Variants in CELF2 observed in about 807,000 individuals in gnomAD.
CELF2 encodes the protein CUG triplet repeat RNA-binding protein 2.
In CELF2, 8 loss-of-function variants were observed where a neutral mutation model predicts 62.6. That is an observed-to-expected ratio of 0.13 (90% CI 0.07 to 0.23). CELF2 has a LOEUF of 0.23. Among genes scored for constraint, CELF2 ranks in the 10% least tolerant of loss-of-function variants. The probability of loss-of-function intolerance (pLI) is 1.00; values close to 1 mark genes in which losing one functional copy is unlikely to be tolerated. For missense variants in CELF2, 333 were observed against 671.0 expected (o/e 0.50, Z 5.56); for synonymous variants, 258 against 250.0 (o/e 1.03, Z -0.30).
At chr10:10,908,214 A>ATGTTTTTTTTTT (rs1055620339) in intron 1 of CELF2, among the ~76,000 whole-genome samples, 3 of 83,732 alleles carry the variant, frequency 3.6e-5, no homozygotes, top group African/African-American at 4.8e-5. Context: ...GTATGAGGGG[A>ATGTTTTTTTTTT]TTTTTTTTTT....
At chr10:10,919,400 A>G (rs575893695) in intron 1 of CELF2, among the ~76,000 whole-genome samples, 1 of 152,314 alleles carries the variant, frequency 6.6e-6, no homozygotes, top group Admixed American at 6.5e-5. Context: ...CTTTTGTGCC[A>G]TTTGAATTAT....
chr10:11,023,880 A>C (rs983603385), intron 1 of CELF2, among the ~76,000 whole-genome samples: 1 of 152,366 alleles, frequency 6.6e-6, no homozygotes, highest in Admixed American at 6.5e-5. Context: ...AAATCAGCTG[A>C]TAATTTAAAA....
the CELF2 span, among the ~76,000 whole-genome samples, chr10:10,657,033 A>G: frequency 6.6e-6 from 1 of 152,134 alleles, no homozygotes; most frequent in Non-Finnish European, 1.5e-5. Flanking sequence ...TCATCAATGG[A>G]TGAATGGATA....
the CELF2 span, among the ~76,000 whole-genome samples, chr10:10,706,183 A>G: frequency 6.6e-6 from 1 of 152,182 alleles, no homozygotes; most frequent in African/African-American, 2.4e-5. Flanking sequence ...CAGGAAGCCA[A>G]GACTAGGCAG....
intron 1 of CELF2, among the ~76,000 whole-genome samples, chr10:11,141,335 G>A (rs984225911): frequency 6.6e-6 from 1 of 152,206 alleles, no homozygotes; most frequent in African/African-American, 2.4e-5. Context: ...TTGGAAGGGT[G>A]AGTTCAGCAC....
chr10:10,921,557 C>T (rs774647591), intron 2 of CELF2, among the ~76,000 whole-genome samples: 2 of 152,196 alleles, frequency 1.3e-5, no homozygotes, highest in African/African-American at 2.4e-5. Flanking sequence ...TGTGAGCCAC[C>T]GTGCCTGGCC....
chr10:11,301,281 CAA>C (rs1423462224), intron 9 of CELF2, among the ~76,000 whole-genome samples: 3 of 151,866 alleles, frequency 2.0e-5, no homozygotes, highest in East Asian at 1.9e-4. Context: ...CACCCCAAAT[CAA>C]GAGTCTTGTT....
chr10:11,153,660 C>A (rs533852210), intron 1 of CELF2, among the ~76,000 whole-genome samples: 34 of 152,342 alleles, frequency 2.2e-4, no homozygotes, highest in African/African-American at 7.7e-4. Context: ...CTGGAATCAT[C>A]TCATCTAAAG....
At chr10:10,493,657 G>A in the CELF2 span, among the ~76,000 whole-genome samples, 1 of 151,812 alleles carries the variant, frequency 6.6e-6, no homozygotes, top group South Asian at 2.1e-4. Flanking sequence ...TCAGCCTCCT[G>A]AGTAGCTGGG....
At chr10:11,123,575 G>T (rs1253256807) in intron 1 of CELF2, among the ~76,000 whole-genome samples, 1 of 152,156 alleles carries the variant, frequency 6.6e-6, no homozygotes, top group Non-Finnish European at 1.5e-5. Flanking sequence ...TAGGTGGTGA[G>T]GGTTAAGAGT....
intron 1 of CELF2, among the ~76,000 whole-genome samples, chr10:11,035,673 T>A (rs781138573): frequency 6.6e-6 from 1 of 152,244 alleles, no homozygotes; most frequent in Non-Finnish European, 1.5e-5. Context: ...GTGCTGGAAT[T>A]TCAGAGGATT....
the CELF2 span, among the ~76,000 whole-genome samples, chr10:10,653,876 A>T: frequency 1.3e-5 from 2 of 151,758 alleles, no homozygotes; most frequent in African/African-American, 4.8e-5. Flanking sequence ...TCAGAGCAGA[A>T]TTGAAGGAAA....
At chr10:10,644,759 C>T in the CELF2 span, among the ~76,000 whole-genome samples, 1 of 152,180 alleles carries the variant, frequency 6.6e-6, no homozygotes, top group African/African-American at 2.4e-5. Context: ...TCTCCCCCCA[C>T]GTCCTGGGCT....
chr10:11,202,259 T>C lies in CELF2; in HGVS notation c.272-15166T>C, dbSNP rs1466479199. ...TCTTCGGGGCATTTTTTTCACCTCC[T>C]GTCATAATGTTGAATCTTTGGGAAA... On this transcript the variant is annotated intron_variant, in intron 2 of 12. Transcript: ENST00000633077. 2.0e-5 allele frequency among the ~76,000 whole-genome samples: 3 copies of C among 152,204 alleles called. No individual in the cohort carries two copies. In the East Asian group the frequency reaches 5.8e-4, roughly 29 times the overall value.
chr10:10,888,328 A>G (rs1362945003), intron 1 of CELF2, among the ~76,000 whole-genome samples: 1 of 152,192 alleles, frequency 6.6e-6, no homozygotes, highest in Non-Finnish European at 1.5e-5. Context: ...TGGGAAGAGC[A>G]TGGCACAGGC....
chr10:10,891,548 A>C (rs1448884542), intron 1 of CELF2, among the ~76,000 whole-genome samples: 1 of 151,870 alleles, frequency 6.6e-6, no homozygotes, highest in African/African-American at 2.4e-5. Context: ...GGTATGTGTC[A>C]TGTTTCTCAT....
intron 1 of CELF2, among the ~76,000 whole-genome samples, chr10:10,903,220 A>G (rs757221988): frequency 6.6e-6 from 1 of 152,168 alleles, no homozygotes; most frequent in Non-Finnish European, 1.5e-5. Flanking sequence ...TATTTTGTAT[A>G]ATGTCCCTGC....
chr10:10,728,452 CAAAAAAAAAAA>C, the CELF2 span, among the ~76,000 whole-genome samples: 3 of 81,440 alleles, frequency 3.7e-5, no homozygotes, highest in East Asian at 3.6e-4. Flanking sequence ...GACTCTGTTT[CAAAAAAAAAAA>C]AAAAAAAAAA....
the CELF2 span, among the ~76,000 whole-genome samples, chr10:10,717,792 C>T: frequency 1.3e-5 from 2 of 152,128 alleles, no homozygotes; most frequent in Non-Finnish European, 2.9e-5. Flanking sequence ...GTATTCTGCC[C>T]GGAATACTTC....
Sources: allele counts gnomAD v4.1 joint callset (sites outside exome capture counted in the v4.1 genomes callset), GRCh38; gene constraint gnomAD v4.1.1; transcripts MANE v1.5; gene names NCBI Gene and HGNC (gene_info 2026-07-23, HGNC 2026-07-21).